Variants in SLITRK3 observed in about 807,000 individuals in gnomAD.
SLITRK3 encodes SLIT and NTRK like family member 3.
A neutral mutation model predicts 63.6 loss-of-function variants in SLITRK3; 16 were observed. That is an observed-to-expected ratio of 0.25 (90% CI 0.17 to 0.38). The LOEUF is 0.38. Among genes scored for constraint, SLITRK3 ranks in the 10% least tolerant of loss-of-function variants. The probability of loss-of-function intolerance (pLI) is 1.00; values close to 1 mark genes in which losing one functional copy is unlikely to be tolerated. For synonymous variants in SLITRK3, 547 were observed against 451.6 expected, an observed-to-expected ratio of 1.21 and a Z score of -2.68; for missense variants, 1,117 against 1,181.4, an observed-to-expected ratio of 0.95 and a Z score of 0.80.
At position 165,190,107 on chromosome 3, in the gene SLITRK3, G is replaced by A; in HGVS notation, c.724C>T (p.Gln242Ter). 1 of 1,614,130 alleles carries A rather than the reference G, an allele frequency of 6.2e-7. No individual in the cohort carries two copies. The change falls in exon 2 of 2, where the codon CAA becomes TAA. Residue 242 changes from glutamine (Q) to a stop codon, truncating the protein, a stop_gained. Transcript: ENST00000475390. LOFTEE classifies it high-confidence loss of function. ...ATGCGTTCCAGCCAACTCTTCAGTT[G>A]TACAATTTCACATGTACAGTTCCAA... Reference protein sequence around the residue: ...NPWNCTCEIVQLKSWLERIPY... With the variant: ...NPWNCTCEIV
chr3:165,191,547 CTTTAA>C (rs945830186), intron 1 of SLITRK3, among the ~76,000 whole-genome samples: 4 of 152,162 alleles, frequency 2.6e-5, no homozygotes, highest in Non-Finnish European at 4.4e-5. Flanking sequence ...TTGTCATCTT[CTTTAA>C]TTTAATAAAT....
rs2108206084 is a variant in SLITRK3 at position 165,188,121 on chromosome 3, A to G, written c.2710T>C (p.Tyr904His). The change falls in exon 2 of 2, where the codon TAT becomes CAT. Residue 904 changes from tyrosine (Y) to histidine (H), a missense_variant. Transcript: ENST00000475390. ...PCTVGFVDCL[Y>H]GTVPKLKELH... is the part of the protein sequence containing the mutation. Reference sequence around the variant, plus strand: ...TCCTTTAATTTGGGCACTGTTCCATAGAGACAGTCCACAAATCCCACTGTG... The same window carrying G: ...TCCTTTAATTTGGGCACTGTTCCATGGAGACAGTCCACAAATCCCACTGTG... 6.2e-7 allele frequency: 1 copy of G among 1,613,486 alleles called. No homozygotes were observed. Among genetic ancestry groups the G allele is most frequent in the East Asian group, 2.2e-5 (1 of 44,824 alleles).
At chr3:165,196,897 G>GTCTCTGTCTC (rs1553792802), upstream of SLITRK3, 5 of 96,474 alleles carry the variant, frequency 5.2e-5, no homozygotes, top group Admixed American at 5.5e-4. Flanking sequence ...CTCTCTCTCT[G>GTCTCTGTCTC]TCTCTCTCTC....
rs528735658 is a variant in SLITRK3 at position 165,187,693 on chromosome 3, T to A, written c.*204A>T. The A allele has an allele frequency of 2.2e-5, 11 of 494,194 alleles. No individual in the cohort carries two copies. The highest frequency in any genetic ancestry group is 2.1e-4 in the African/African-American group (11 of 52,658). The allele number at this position is 494,194 out of a possible 1,614,324, so 30.6% of individuals were successfully genotyped here. A position where few individuals can be genotyped will look rare whatever the true frequency, so the allele number is the denominator to read the frequency against. ...CTTTCATTGATTAATGATCTGAGTATGGCCCTTCCTCCAAATCGCATCTGA... is the reference window on the plus strand; with the variant it reads ...CTTTCATTGATTAATGATCTGAGTAAGGCCCTTCCTCCAAATCGCATCTGA... On this transcript the variant is annotated 3_prime_UTR_variant, in exon 2 of 2. Transcript: ENST00000475390.
rs751815228 is a variant in SLITRK3 at position 165,190,742 on chromosome 3, G to A, written c.89C>T (p.Pro30Leu). The A allele has an allele frequency of 1.9e-6, 3 of 1,613,904 alleles. No individual in the cohort carries two copies. Among genetic ancestry groups the A allele is most frequent in the Non-Finnish European group, 2.5e-6 (3 of 1,179,862 alleles). The stretch of plus-strand genomic sequence containing the variant: ...CTCTGAGTCCTCTATTAGGGGAATC[G>A]GGGTAGTCCATCCTAGAGCAATTGT... Reference protein sequence around the residue: ...LSTIALGWTTPIPLIEDSEEI... With the variant: ...LSTIALGWTTLIPLIEDSEEI... The change falls in exon 2 of 2, where the codon CCG (proline) becomes CTG (leucine). Residue 30 changes from proline to leucine, a missense_variant. By Grantham distance (98) the Pro-to-Leu change is moderately conservative. Around this residue, in one of 4 missense-constraint regions of SLITRK3, gnomAD observed 452 missense variants for 495.3 expected, o/e 0.91. Coordinates refer to ENST00000475390, the MANE Select transcript of SLITRK3 (RefSeq NM_001318810.2).
Sources: allele counts gnomAD v4.1 joint callset (sites outside exome capture counted in the v4.1 genomes callset), GRCh38; gene constraint gnomAD v4.1.1; regional missense constraint gnomAD v4.1.1; transcripts MANE v1.5; gene names NCBI Gene and HGNC (gene_info 2026-07-23, HGNC 2026-07-21).